JAKMIP3: variants seen among roughly 807,000 people sequenced by gnomAD.
JAKMIP3 encodes the protein Janus kinase and microtubule interacting protein 3.
Under a neutral mutation model 118.5 loss-of-function variants are expected in JAKMIP3, and 58 were observed. The ratio of observed to expected loss-of-function variants is 0.49; its 90% CI spans 0.40 to 0.61. The LOEUF (loss-of-function observed/expected upper bound fraction) is 0.61, where lower values mean the gene tolerates loss of function less well. Among genes scored for constraint, JAKMIP3 ranks in the 20% least tolerant of loss-of-function variants. The pLI is 0.00. For synonymous variants in JAKMIP3, 486 were observed against 451.2 expected, an observed-to-expected ratio of 1.08 and a Z score of -0.98; for missense variants, 950 against 1,109.0, an observed-to-expected ratio of 0.86 and a Z score of 2.04.
At chr10:132,171,721 G>A (rs566533492) in intron 23 of JAKMIP3, among the ~76,000 whole-genome samples, 7 of 148,082 alleles carry the variant, frequency 4.7e-5, no homozygotes, top group South Asian at 2.1e-4. Context: ...GCGCGATCTC[G>A]GCTCACTGCA....
rs1288200578 is a variant in JAKMIP3, at chr10:132,179,026, G to T, written c.*1104-3331G>T. On this transcript the variant is annotated intron_variant, in intron 23 of 23. Transcript: ENST00000684848. The surrounding 1 kb of genome is among the most constrained non-coding windows in gnomAD (Gnocchi z 4.3). Reference sequence around the variant, plus strand: ...GTTCTGGTGCCTTCGTGCCCGTGGGGCTGGGGGCCCCGACCTGTGGAAACA... The same window carrying T: ...GTTCTGGTGCCTTCGTGCCCGTGGGTCTGGGGGCCCCGACCTGTGGAAACA... 1.3e-5 allele frequency among the ~76,000 whole-genome samples: 2 copies of T among 152,240 alleles called. No homozygotes were observed.
Position 132,140,531 on chromosome 10 carries a change from A to G in JAKMIP3, c.1425A>G (p.Thr475=), listed in dbSNP as rs774343315. The G allele has an allele frequency of 6.2e-7, 1 of 1,613,648 alleles. No individual in the cohort carries two copies. The highest frequency in any genetic ancestry group is 8.5e-7 in the Non-Finnish European group (1 of 1,179,786). ...ESDGSSVSYQ[T]DRTDQTPCTP... ...ACGGCTCCTCCGTCTCTTACCAAAC[A>G]GACAGGACGGACCAGACCCCGTGCA... The change falls in exon 10 of 24, where the codon ACA becomes ACG. Residue 475 remains threonine (T), a synonymous_variant. Coordinates refer to ENST00000684848, the MANE Select transcript of JAKMIP3 (RefSeq NM_001323087.2).
At chr10:132,132,591 G>T (rs894475978) in intron 3 of JAKMIP3, among the ~76,000 whole-genome samples, 75 of 152,332 alleles carry the variant, frequency 4.9e-4, no homozygotes, top group African/African-American at 1.7e-3. Flanking sequence ...ACAGCCACTG[G>T]TGGGGCAGAC....
chr10:132,101,148 G>A (rs924262258), intron 1 of JAKMIP3, among the ~76,000 whole-genome samples: 1 of 152,182 alleles, frequency 6.6e-6, no homozygotes, highest in African/African-American at 2.4e-5. Context: ...GGCCTGGGAC[G>A]GGAGGAGGGA....
At chr10:132,159,859 T>A (rs1356580646) in intron 19 of JAKMIP3, among the ~76,000 whole-genome samples, 20 of 51,446 alleles carry the variant, frequency 3.9e-4, no homozygotes, top group African/African-American at 1.8e-3. Context: ...GGCCTCTCCC[T>A]GTGTGATGCT....
chr10:132,109,481 C>A (rs895125237), intron 2 of JAKMIP3, among the ~76,000 whole-genome samples: 2 of 152,140 alleles, frequency 1.3e-5, no homozygotes, highest in East Asian at 1.9e-4. Context: ...TGTTCCTGCG[C>A]GCCCGCAGAG....
At position 132,180,644 on chromosome 10, in the gene JAKMIP3, T is replaced by TGTGC. The variant is rs1565019732; in HGVS notation, c.*1104-1712_*1104-1711insTGCG. The stretch of plus-strand genomic sequence containing the variant: ...GTGTGTGCGTGTGTGCGTGCGTGTG[T>TGTGC]GCGTGTGCGTGTGCGTGTGTGCGTG... On this transcript the variant is annotated intron_variant, in intron 23 of 23. Coordinates refer to ENST00000684848, the MANE Select transcript of JAKMIP3 (RefSeq NM_001323087.2). Among the ~76,000 whole-genome samples, 34 of 24,290 alleles carry TGTGC rather than the reference T, an allele frequency of 1.4e-3. 2 individuals are homozygous for TGTGC. The highest frequency in any genetic ancestry group is 2.5e-3 in the Admixed American group (5 of 1,996). 15.9% of individuals were successfully genotyped at this position (24,290 alleles called of 152,430 possible). A position where few individuals can be genotyped will look rare whatever the true frequency, so the allele number is the denominator to read the frequency against.
At chr10:132,143,051 C>G (rs939300433) in intron 11 of JAKMIP3, among the ~76,000 whole-genome samples, 1 of 152,068 alleles carries the variant, frequency 6.6e-6, no homozygotes, top group South Asian at 2.1e-4. Context: ...TGGCTGGTTT[C>G]CCTCCTGCCT....
chr10:132,111,512 G>A (rs1564911170), intron 2 of JAKMIP3, among the ~76,000 whole-genome samples: 2 of 152,176 alleles, frequency 1.3e-5, no homozygotes, highest in Non-Finnish European at 2.9e-5. Flanking sequence ...GGTCAGCAGA[G>A]GTGGCCATGG....
chr10:132,163,837 T>A lies in JAKMIP3; in HGVS notation c.2424+425T>A, dbSNP rs753916765. On this transcript the variant is annotated intron_variant, in intron 20 of 23. Coordinates refer to ENST00000684848, the MANE Select transcript of JAKMIP3 (RefSeq NM_001323087.2). ...CTGGGTACTGTCTTTTCCGTGACAC[T>A]GTTTCCTGATGGCAAGGATGTTCTC... Among the ~76,000 whole-genome samples the A allele has an allele frequency of 1.1e-4, 16 of 152,246 alleles. 1 individual carries two copies. Among genetic ancestry groups the A allele is most frequent in the Non-Finnish European group, 1.9e-4 (13 of 68,044 alleles).
chr10:132,104,415 C>A (rs575642410), intron 1 of JAKMIP3, among the ~76,000 whole-genome samples: 148 of 152,326 alleles, frequency 9.7e-4, no homozygotes, highest in African/African-American at 3.2e-3. Flanking sequence ...AAAGAATTCA[C>A]CCGTGCTGAG....
chr10:132,106,150 C>T lies in JAKMIP3; in HGVS notation c.135+1207C>T, dbSNP rs191834643. The stretch of plus-strand genomic sequence containing the variant: ...AGGAGTTCGAGACCAACCTGGGCAA[C>T]ATAGGGAGACCTCATCTCTACAAAA... On this transcript the variant is annotated intron_variant, in intron 2 of 23. Transcript: ENST00000684848. Among the ~76,000 whole-genome samples, 24 of 149,920 alleles carry T rather than the reference C, an allele frequency of 1.6e-4. 1 individual carries two copies. In the East Asian group the frequency reaches 4.6e-3, roughly 28 times the overall value.
chr10:132,074,530 G>A (rs1484358881), intron 1 of JAKMIP3, among the ~76,000 whole-genome samples: 3 of 151,960 alleles, frequency 2.0e-5, no homozygotes, highest in Non-Finnish European at 4.4e-5. Context: ...ACTTTTTAAT[G>A]GGTTTTTTTC....
At chr10:132,156,160 CCTT>C (rs2057069144) in intron 19 of JAKMIP3, among the ~76,000 whole-genome samples, 1 of 152,324 alleles carries the variant, frequency 6.6e-6, no homozygotes, top group South Asian at 2.1e-4. Flanking sequence ...ACTGGAGAGA[CCTT>C]CTTGCTGAGG....
intron 5 of JAKMIP3, among the ~76,000 whole-genome samples, chr10:132,135,411 C>T (rs1481390146): frequency 6.6e-6 from 1 of 152,212 alleles, no homozygotes; most frequent in Admixed American, 6.5e-5. Context: ...CGCCTCTGTT[C>T]TGCAGGTGAT....
chr10:132,139,147 AGTATGAG>A (rs1189820281), intron 9 of JAKMIP3, among the ~76,000 whole-genome samples: 7 of 137,818 alleles, frequency 5.1e-5, no homozygotes, highest in African/African-American at 2.0e-4. Flanking sequence ...TGTGTATGTG[AGTATGAG>A]TGTGTATGTA....
At chr10:132,150,081 A>G (rs2055791455) in intron 16 of JAKMIP3, 40 bp downstream of exon 16, 1 of 1,527,458 alleles carries the variant, frequency 6.5e-7, no homozygotes. Context: ...TCTTACACCC[A>G]CAACCCCCAG....
At chr10:132,139,744 C>T (rs570912553) in intron 9 of JAKMIP3, among the ~76,000 whole-genome samples, 51 of 152,040 alleles carry the variant, frequency 3.4e-4, no homozygotes, top group Non-Finnish European at 5.3e-4. Context: ...CAGTGGTTGG[C>T]GGGGAGTAGG....
rs1042695010 is a variant in JAKMIP3, at chr10:132,140,302, A to G, written c.1345-149A>G. ...ATAGAGCGCCCCTCACACCCAGGCC[A>G]CCTCCTCGGCCTGTGCCAGGGACAG... On this transcript the variant is annotated intron_variant, in intron 9 of 23. Transcript: ENST00000684848. The G allele has an allele frequency of 1.6e-5, 15 of 946,484 alleles. No individual in the cohort carries two copies. In the South Asian group the frequency reaches 2.0e-4, roughly 13 times the overall value. The allele number at this position is 946,484 out of a possible 1,614,324, so 58.6% of individuals were successfully genotyped here. A position where few individuals can be genotyped will look rare whatever the true frequency, so the allele number is the denominator to read the frequency against.
Sources: gnomAD v4.1 joint callset for allele counts (sites outside exome capture counted in the v4.1 genomes callset) on GRCh38, gnomAD v4.1.1 for gene constraint, Gnocchi (gnomAD v3.1) non-coding constraint, MANE v1.5 for transcripts, NCBI Gene and HGNC (gene_info 2026-07-23, HGNC 2026-07-21) for gene names.